The following UNC5D variants were observed in gnomAD, a reference collection of about 807,000 sequenced individuals.
UNC5D encodes netrin receptor UNC5D.
In UNC5D, 39 loss-of-function variants were observed where a neutral mutation model predicts 105.4. That is an observed-to-expected ratio of 0.37 (90% CI 0.29 to 0.48). The LOEUF is 0.48. Ranked by LOEUF, UNC5D falls within the 20% of genes least tolerant of loss-of-function variation. UNC5D has a pLI of 0.98. For synonymous variants in UNC5D, 452 were observed against 450.4 expected (o/e 1.00, Z -0.04); for missense variants, 991 against 1,202.4 (o/e 0.82, Z 2.60).
intron 1 of UNC5D, among the ~76,000 whole-genome samples, chr8:35,490,361 T>A (rs1395579745): frequency 6.6e-6 from 1 of 152,032 alleles, no homozygotes; most frequent in Non-Finnish European, 1.5e-5. Flanking sequence ...AAATTATCCA[T>A]CTCTACAAAA....
At chr8:35,516,672 C>A (rs1310859147) in intron 1 of UNC5D, among the ~76,000 whole-genome samples, 1 of 152,230 alleles carries the variant, frequency 6.6e-6, no homozygotes, top group Non-Finnish European at 1.5e-5. Flanking sequence ...CTACCCAGAT[C>A]TCCCCCTTCA....
intron 1 of UNC5D, among the ~76,000 whole-genome samples, chr8:35,324,487 T>A (rs995162248): frequency 6.6e-6 from 1 of 152,142 alleles, no homozygotes; most frequent in African/African-American, 2.4e-5. Context: ...TAAAAGCATT[T>A]CATAAATTGC....
chr8:35,574,059 T>A (rs1027491982), intron 3 of UNC5D, among the ~76,000 whole-genome samples: 1 of 152,240 alleles, frequency 6.6e-6, no homozygotes, highest in Non-Finnish European at 1.5e-5. Flanking sequence ...CATCTGTTAC[T>A]TCTGCTGCTG....
chr8:35,366,933 A>G (rs900249513), intron 1 of UNC5D, among the ~76,000 whole-genome samples: 1 of 152,172 alleles, frequency 6.6e-6, no homozygotes, highest in Non-Finnish European at 1.5e-5. Flanking sequence ...TTCTAGTGTA[A>G]TCTTTTCTAC....
intron 1 of UNC5D, among the ~76,000 whole-genome samples, chr8:35,485,836 A>G (rs2130035187): frequency 6.6e-6 from 1 of 152,288 alleles, no homozygotes; most frequent in South Asian, 2.1e-4. Flanking sequence ...ATGTAAAACC[A>G]TGGTAGACCT....
chr8:35,656,226 T>C (rs1823725828), intron 4 of UNC5D, among the ~76,000 whole-genome samples: 1 of 152,130 alleles, frequency 6.6e-6, no homozygotes, highest in African/African-American at 2.4e-5. Context: ...ACAATAACTT[T>C]AGTGCAAGGG....
intron 1 of UNC5D, among the ~76,000 whole-genome samples, chr8:35,373,668 T>A (rs1802542964): frequency 6.6e-6 from 1 of 152,150 alleles, no homozygotes; most frequent in African/African-American, 2.4e-5. Flanking sequence ...ATATCAGCAA[T>A]GCATTTAGGA....
chr8:35,411,376 G>A (rs1281368133), intron 1 of UNC5D, among the ~76,000 whole-genome samples: 1 of 151,966 alleles, frequency 6.6e-6, no homozygotes, highest in East Asian at 1.9e-4. Flanking sequence ...ACAGAAATTG[G>A]ATGAGTCCTA....
At chr8:35,518,865 T>TTACTC (rs113770208) in intron 1 of UNC5D, among the ~76,000 whole-genome samples, 24,544 of 151,992 alleles carry the variant, frequency 0.16, 2,577 homozygotes, top group East Asian at 0.27. Context: ...GAAATTCTCT[T>TTACTC]TACCTTTAGA....
At chr8:35,320,171 T>C (rs1309657708) in intron 1 of UNC5D, among the ~76,000 whole-genome samples, 1 of 151,966 alleles carries the variant, frequency 6.6e-6, no homozygotes, top group Non-Finnish European at 1.5e-5. Flanking sequence ...GTAAGATGTA[T>C]ATTGGTTTGG....
At chr8:35,534,282 C>T (rs1352111192) in intron 1 of UNC5D, among the ~76,000 whole-genome samples, 1 of 151,988 alleles carries the variant, frequency 6.6e-6, no homozygotes, top group Non-Finnish European at 1.5e-5. Context: ...CACTGTTGTG[C>T]CATTGTTTCC....
chr8:35,236,027 G>A (rs1481030435), intron 1 of UNC5D, 140 bp downstream of exon 1: 9 of 715,538 alleles, frequency 1.3e-5, no homozygotes, highest in African/African-American at 1.8e-5. Flanking sequence ...GATGGGAGCC[G>A]AGTGGAGGAC....
intron 9 of UNC5D, among the ~76,000 whole-genome samples, 195 bp from the exon 10 acceptor site, chr8:35,725,957 C>T (rs1354442819): frequency 1.3e-5 from 2 of 152,112 alleles, no homozygotes; most frequent in Non-Finnish European, 2.9e-5. Context: ...AGAGAATGGA[C>T]GGTGGAAGCC....
chr8:35,487,050 A>AT (rs1810866645), intron 1 of UNC5D, among the ~76,000 whole-genome samples: 1 of 152,104 alleles, frequency 6.6e-6, no homozygotes, highest in Admixed American at 6.6e-5. Flanking sequence ...TTGCTAGATA[A>AT]TTTTTACTGA....
chr8:35,617,721 C>G (rs1217653809), intron 4 of UNC5D, among the ~76,000 whole-genome samples: 2 of 152,220 alleles, frequency 1.3e-5, no homozygotes, highest in Non-Finnish European at 1.5e-5. Context: ...GCATGTAACT[C>G]AGATTCACTT....
chr8:35,423,329 T>G (rs1019205728), intron 1 of UNC5D, among the ~76,000 whole-genome samples: 1 of 152,202 alleles, frequency 6.6e-6, no homozygotes, highest in Admixed American at 6.5e-5. Flanking sequence ...ACAGATGCTG[T>G]GCTCACTGCA....
At chr8:35,613,356 T>C (rs1820816958) in intron 4 of UNC5D, among the ~76,000 whole-genome samples, 2 of 152,232 alleles carry the variant, frequency 1.3e-5, no homozygotes, top group Non-Finnish European at 2.9e-5. Flanking sequence ...ATTAGAGACC[T>C]GAGCTACCGC....
At chr8:35,554,219 C>CT (rs1816370865) in intron 2 of UNC5D, among the ~76,000 whole-genome samples, 1 of 152,176 alleles carries the variant, frequency 6.6e-6, no homozygotes, top group African/African-American at 2.4e-5. Flanking sequence ...GCCCTGTCAT[C>CT]TAACAGTTCA....
At chr8:35,626,020 G>A (rs1385799182) in intron 4 of UNC5D, among the ~76,000 whole-genome samples, 1 of 152,078 alleles carries the variant, frequency 6.6e-6, no homozygotes, top group African/African-American at 2.4e-5. Context: ...CAGATAGCAG[G>A]GCTGTCTTTC....
Sources: gnomAD v4.1 joint callset for allele counts (sites outside exome capture counted in the v4.1 genomes callset) on GRCh38, gnomAD v4.1.1 for gene constraint, MANE v1.5 for transcripts, NCBI Gene and HGNC (gene_info 2026-07-23, HGNC 2026-07-21) for gene names.